The following TSHR variants were observed in gnomAD, a reference collection of about 807,000 sequenced individuals.
TSHR encodes the protein thyroid stimulating hormone receptor.
A neutral mutation model predicts 64.1 loss-of-function variants in TSHR; 51 were observed. The observed-to-expected ratio is 0.80, with a 90% CI of 0.64 to 1.01. The LOEUF is 1.01. Ranked by LOEUF, TSHR falls within the 50% of genes least tolerant of loss-of-function variation. The probability of loss-of-function intolerance (pLI) is 0.00; values close to 1 mark genes in which losing one functional copy is unlikely to be tolerated. For synonymous variants in TSHR, 361 were observed against 361.9 expected, an observed-to-expected ratio of 1.00 and a Z score of 0.03; for missense variants, 877 against 942.8, an observed-to-expected ratio of 0.93 and a Z score of 0.91.
chr14:81,129,221 C>G (rs1891137048), intron 8 of TSHR, among the ~76,000 whole-genome samples: 2 of 152,224 alleles, frequency 1.3e-5, no homozygotes, highest in Non-Finnish European at 2.9e-5. Flanking sequence ...CTCTTTCTAT[C>G]TCTTTCCTTA....
At chr14:81,063,126 C>A (rs1171099149) in intron 2 of TSHR, among the ~76,000 whole-genome samples, 5 of 152,186 alleles carry the variant, frequency 3.3e-5, no homozygotes, top group African/African-American at 9.7e-5. Context: ...CTGAGGCTGA[C>A]AGACCATCCT....
At chr14:81,118,846 C>G (rs1263464031) in intron 8 of TSHR, among the ~76,000 whole-genome samples, 1 of 150,442 alleles carries the variant, frequency 6.6e-6, no homozygotes, top group Non-Finnish European at 1.5e-5. Context: ...ATCAATGGAA[C>G]AGAACAGAGC....
chr14:81,123,443 A>G (rs1175102166), intron 8 of TSHR, among the ~76,000 whole-genome samples: 2 of 152,234 alleles, frequency 1.3e-5, no homozygotes, highest in Non-Finnish European at 2.9e-5. Flanking sequence ...GGTGTCTTAT[A>G]CTTTTTATAA....
chr14:80,986,383 C>T (rs970164910), intron 1 of TSHR, among the ~76,000 whole-genome samples: 1 of 152,150 alleles, frequency 6.6e-6, no homozygotes, highest in African/African-American at 2.4e-5. Context: ...TCAGTTTCTC[C>T]AGGAGGCTTT....
chr14:81,098,157 G>A (rs542838314), intron 7 of TSHR, among the ~76,000 whole-genome samples: 86 of 152,284 alleles, frequency 5.6e-4, no homozygotes, highest in Non-Finnish European at 1.2e-3. Context: ...TGCCCACACT[G>A]AGCGTACATT....
intron 9 of TSHR, among the ~76,000 whole-genome samples, chr14:81,142,247 A>G (rs1891721505): frequency 6.6e-6 from 1 of 152,084 alleles, no homozygotes; most frequent in Non-Finnish European, 1.5e-5. Flanking sequence ...CGCCTGGCTA[A>G]TTTTTGGATT....
At chr14:81,021,118 A>T (rs1401799820) in intron 1 of TSHR, among the ~76,000 whole-genome samples, 1 of 152,152 alleles carries the variant, frequency 6.6e-6, no homozygotes, top group Non-Finnish European at 1.5e-5. Context: ...AATAACATGC[A>T]CAATACATGT....
chr14:81,026,486 AC>A (rs1458503203), intron 1 of TSHR, among the ~76,000 whole-genome samples: 2 of 152,236 alleles, frequency 1.3e-5, no homozygotes, highest in Admixed American at 6.5e-5. Context: ...AAGCAAGGCA[AC>A]AAAACAAATA....
Position 80,955,753 on chromosome 14 carries a change from T to C in TSHR, c.73T>C (p.Ser25Pro), listed in dbSNP as rs1886633581. 1 of 1,614,160 alleles carries C rather than the reference T, an allele frequency of 6.2e-7. No homozygotes were observed. ...CAGGGACCTGGGCGGAATGGGGTGT[T>C]CGTCTCCACCCTGCGAGTGCCATCA... Reference protein sequence around the residue: ...LPRDLGGMGCSSPPCECHQEE... With the variant: ...LPRDLGGMGCPSPPCECHQEE... Residue 25 changes from serine (S) to proline (P), a missense_variant, in exon 1 of 10, where the codon TCG becomes CCG. Coordinates refer to ENST00000298171, the MANE Select transcript of TSHR (RefSeq NM_000369.5).
At chr14:80,974,541 AC>A (rs1887766700) in intron 1 of TSHR, among the ~76,000 whole-genome samples, 1 of 152,178 alleles carries the variant, frequency 6.6e-6, no homozygotes, top group African/African-American at 2.4e-5. Context: ...TTGCCATTTC[AC>A]AACCACCCTC....
chr14:81,141,379 C>T (rs922324456), intron 9 of TSHR, among the ~76,000 whole-genome samples: 1 of 152,226 alleles, frequency 6.6e-6, no homozygotes, highest in Non-Finnish European at 1.5e-5. Context: ...CCCAAGAGAT[C>T]ACTCAAACTC....
chr14:81,122,568 A>G (rs1166317537), intron 8 of TSHR, among the ~76,000 whole-genome samples: 3 of 152,224 alleles, frequency 2.0e-5, no homozygotes, highest in African/African-American at 7.2e-5. Flanking sequence ...TCAGGAGAGT[A>G]GAAGAGTGTG....
intron 2 of TSHR, 75 bp from the exon 3 acceptor site, chr14:81,068,179 A>G (rs905801137): frequency 6.6e-5 from 94 of 1,429,130 alleles, no homozygotes; most frequent in Non-Finnish European, 8.1e-5. Flanking sequence ...ACAAAAAGTT[A>G]TGTCAAAAAT....
rs1210349576 is a variant in TSHR at position 81,092,523 on chromosome 14, T to A, written c.468-8T>A. On this transcript the variant is annotated splice_polypyrimidine_tract_variant and splice_region_variant and intron_variant, in intron 5 of 9. Coordinates refer to ENST00000298171, the MANE Select transcript of TSHR (RefSeq NM_000369.5). ...TTCATTAAGTGTTTTTGTCCCTCTC[T>A]CTTGCAGTGAAATTACAGACAACCC... 10 of 1,613,902 alleles carry A rather than the reference T, an allele frequency of 6.2e-6. No homozygotes were observed. The highest frequency in any genetic ancestry group is 8.5e-6 in the Non-Finnish European group (10 of 1,179,898).
intron 4 of TSHR, among the ~76,000 whole-genome samples, chr14:81,088,999 T>G (rs1888508314): frequency 6.6e-6 from 1 of 151,342 alleles, no homozygotes; most frequent in Non-Finnish European, 1.5e-5. Flanking sequence ...TTTTTTTTTT[T>G]TTTTTGAGAT....
In TSHR at chr14:80,955,686, G is replaced by T. The variant is rs750257586; in HGVS notation, c.6G>T (p.Arg2Ser). The change falls in exon 1 of 10, where the codon AGG (arginine) becomes AGT (serine). Residue 2 changes from arginine to serine, a missense_variant. Transcript: ENST00000298171. M[R>S]PADLLQLVLL... ...AGCCCCGAGTCCCGTGGAAAATGAG[G>T]CCGGCGGACTTGCTGCAGCTGGTGC... The T allele has an allele frequency of 2.5e-6, 4 of 1,613,892 alleles. No homozygotes were observed. Among genetic ancestry groups the T allele is most frequent in the African/African-American group, 2.7e-5 (2 of 74,930 alleles).
At chr14:81,058,703 T>C (rs1306915935) in intron 1 of TSHR, among the ~76,000 whole-genome samples, 3 of 152,216 alleles carry the variant, frequency 2.0e-5, no homozygotes, top group African/African-American at 4.8e-5. Context: ...ACTTTGAAGA[T>C]TTTCTAATAT....
chr14:81,092,282 G>C (rs1235493058), intron 5 of TSHR, among the ~76,000 whole-genome samples: 1 of 152,042 alleles, frequency 6.6e-6, no homozygotes, highest in East Asian at 1.9e-4. Flanking sequence ...TTAAGTCAGG[G>C]ACCTCCACCC....
intron 1 of TSHR, chr14:81,001,698 T>C: frequency 2.1e-6 from 1 of 486,648 alleles, no homozygotes; most frequent in Non-Finnish European, 4.1e-6. Flanking sequence ...CTTGTTGGCC[T>C]GGGCAGTTTC....
Sources: allele counts gnomAD v4.1 joint callset (sites outside exome capture counted in the v4.1 genomes callset), GRCh38; gene constraint gnomAD v4.1.1; transcripts MANE v1.5; gene names NCBI Gene and HGNC (gene_info 2026-07-23, HGNC 2026-07-21).